HBS1L: variants seen among roughly 807,000 people sequenced by gnomAD.
The protein encoded by HBS1L is HBS1 like translational GTPase.
HBS1L carries 55 observed loss-of-function variants against 88.9 expected under a neutral mutation model. The observed-to-expected ratio is 0.62, with a 90% confidence interval of 0.50 to 0.77. The LOEUF is 0.77. Among genes scored for constraint, HBS1L ranks in the 30% least tolerant of loss-of-function variants. The probability of loss-of-function intolerance (pLI) is 0.00; values close to 1 mark genes in which losing one functional copy is unlikely to be tolerated. For synonymous variants in HBS1L, 267 were observed against 288.5 expected, an observed-to-expected ratio of 0.93 and a Z score of 0.76; for missense variants, 741 against 829.3, an observed-to-expected ratio of 0.89 and a Z score of 1.31.
At chr6:135,004,455 G>C (rs1055786940) in intron 4 of HBS1L, among the ~76,000 whole-genome samples, 3 of 152,008 alleles carry the variant, frequency 2.0e-5, no homozygotes, top group African/African-American at 7.2e-5. Flanking sequence ...CAAGCAGAAA[G>C]AGAAGCTTGT....
chr6:134,983,303 A>G (rs1300088439), intron 12 of HBS1L: 1 of 152,174 alleles, frequency 6.6e-6, no homozygotes, highest in Non-Finnish European at 1.5e-5. Flanking sequence ...ATAGGAAGCC[A>G]GTAAATATTG....
At chr6:135,027,776 AT>A (rs3071559) in intron 4 of HBS1L, among the ~76,000 whole-genome samples, 11 of 149,292 alleles carry the variant, frequency 7.4e-5, no homozygotes, top group Admixed American at 2.0e-4. Context: ...ATAAAAACTC[AT>A]TTTTTTTTTT....
chr6:135,011,615 G>T (rs1775775697), intron 4 of HBS1L, among the ~76,000 whole-genome samples: 1 of 151,938 alleles, frequency 6.6e-6, no homozygotes, highest in Admixed American at 6.6e-5. Context: ...ATACAATAAA[G>T]AGTTCCTGGC....
intron 15 of HBS1L, among the ~76,000 whole-genome samples, chr6:134,975,523 T>G (rs1774617947): frequency 6.6e-6 from 1 of 152,102 alleles, no homozygotes; most frequent in Non-Finnish European, 1.5e-5. Flanking sequence ...CAGGCTATAA[T>G]AACCAAAACA....
At chr6:135,047,555 T>G (rs919182562) in intron 2 of HBS1L, among the ~76,000 whole-genome samples, 2 of 152,036 alleles carry the variant, frequency 1.3e-5, no homozygotes, top group African/African-American at 4.8e-5. Flanking sequence ...TTGGGTGGAG[T>G]CCCCAACATT....
chr6:134,973,597 C>T (rs1774556179), intron 15 of HBS1L, among the ~76,000 whole-genome samples: 1 of 152,126 alleles, frequency 6.6e-6, no homozygotes, highest in African/African-American at 2.4e-5. Context: ...GGGTGGATCA[C>T]CTGAGGTCAG....
intron 4 of HBS1L, among the ~76,000 whole-genome samples, chr6:135,035,279 G>A (rs548364769): frequency 4.1e-4 from 61 of 150,436 alleles, no homozygotes; most frequent in African/African-American, 1.2e-3. Context: ...GTGAAACCCC[G>A]TCTCTACTAA....
chr6:135,024,387 C>A (rs1776162104), intron 4 of HBS1L, among the ~76,000 whole-genome samples: 1 of 147,392 alleles, frequency 6.8e-6, no homozygotes, highest in Admixed American at 6.8e-5. Flanking sequence ...TTGCAGTGAG[C>A]CGAGATTGCA....
At chr6:135,019,648 C>T (rs1459273413) in intron 4 of HBS1L, among the ~76,000 whole-genome samples, 1 of 151,656 alleles carries the variant, frequency 6.6e-6, no homozygotes, top group Non-Finnish European at 1.5e-5. Context: ...GAAACATGAC[C>T]TTAAAGACAG....
At chr6:135,004,782 A>G (rs1775563474) in intron 4 of HBS1L, among the ~76,000 whole-genome samples, 1 of 152,238 alleles carries the variant, frequency 6.6e-6, no homozygotes, top group Non-Finnish European at 1.5e-5. Flanking sequence ...ATGAACATCA[A>G]ATAGGCAGTT....
chr6:135,054,626 C>T (rs374398723), intron 1 of HBS1L, 23 bp downstream of exon 1: 2 of 1,613,716 alleles, frequency 1.2e-6, no homozygotes, highest in African/African-American at 2.7e-5. Flanking sequence ...AAAAGAACGT[C>T]CCGGCATGAC....
intron 5 of HBS1L, among the ~76,000 whole-genome samples, chr6:135,001,054 C>T (rs1775441130): frequency 6.6e-6 from 1 of 152,210 alleles, no homozygotes; most frequent in South Asian, 2.1e-4. Flanking sequence ...ATTCTAATGA[C>T]TTCTCCCATA....
At chr6:134,981,097 CTA>C (rs1310991382) in intron 13 of HBS1L, among the ~76,000 whole-genome samples, 1 of 151,832 alleles carries the variant, frequency 6.6e-6, no homozygotes, top group Non-Finnish European at 1.5e-5. Flanking sequence ...TCAGAGATGA[CTA>C]AGGATTTTAG....
intron 7 of HBS1L, among the ~76,000 whole-genome samples, chr6:134,996,409 T>C (rs1775289860): frequency 6.6e-6 from 1 of 152,198 alleles, no homozygotes; most frequent in South Asian, 2.1e-4. Flanking sequence ...TAAGCTGACA[T>C]GAAATTAAAA....
chr6:134,985,025 G>C (rs953941134), intron 12 of HBS1L, among the ~76,000 whole-genome samples: 1 of 151,928 alleles, frequency 6.6e-6, no homozygotes, highest in Admixed American at 6.6e-5. Flanking sequence ...AAACAATCCA[G>C]TTTGGTTGAA....
Position 134,964,062 on chromosome 6 carries a change from A to G in HBS1L, c.*1217T>C, listed in dbSNP as rs1774245250. On this transcript the variant is annotated 3_prime_UTR_variant, in exon 18 of 18. Transcript: ENST00000367837. ...ATCATTCACTAAGCAACACATGTATAATCTGCCTACTTTACCATACAGATG... is the reference window on the plus strand; with the variant it reads ...ATCATTCACTAAGCAACACATGTATGATCTGCCTACTTTACCATACAGATG... The G allele has an allele frequency of 6.6e-6, 1 of 152,236 alleles. No homozygotes were observed. The highest frequency in any genetic ancestry group is 1.5e-5 in the Non-Finnish European group (1 of 68,042). 9.4% of individuals were successfully genotyped at this position (152,236 alleles called of 1,614,324 possible).
At chr6:134,985,250 T>C in intron 12 of HBS1L, 91 bp downstream of exon 12, 1 of 689,428 alleles carries the variant, frequency 1.5e-6, no homozygotes, top group Non-Finnish European at 2.4e-6. Context: ...CTGAAGGCAA[T>C]ATACTGTCAT....
At chr6:135,037,316 G>T (rs1345530396) in intron 4 of HBS1L, 3 of 1,551,944 alleles carry the variant, frequency 1.9e-6, no homozygotes, top group Admixed American at 2.0e-5. Context: ...TTGTGTTCCT[G>T]AAACAGTTCA....
intron 3 of HBS1L, 102 bp downstream of exon 3, chr6:135,041,899 A>G: frequency 1.1e-6 from 1 of 945,842 alleles, no homozygotes; most frequent in African/African-American, 1.6e-5. Flanking sequence ...TTACATCATT[A>G]CTGTTCATAG....
Sources: allele counts gnomAD v4.1 joint callset (sites outside exome capture counted in the v4.1 genomes callset), GRCh38; gene constraint gnomAD v4.1.1; transcripts MANE v1.5; gene names NCBI Gene and HGNC (gene_info 2026-07-23, HGNC 2026-07-21).